Variants in KCNN2 observed in about 807,000 individuals in gnomAD.
KCNN2 encodes potassium calcium-activated channel subfamily N member 2.
A neutral mutation model predicts 55.5 loss-of-function variants in KCNN2; 24 were observed. The ratio of observed to expected loss-of-function variants is 0.43; its 90% CI spans 0.31 to 0.61. KCNN2 has a LOEUF of 0.61. Ranked by LOEUF, KCNN2 falls within the 20% of genes least tolerant of loss-of-function variation. KCNN2 has a pLI of 0.08. For synonymous variants in KCNN2, 431 were observed against 336.1 expected (o/e 1.28, Z -3.09); for missense variants, 754 against 853.6 (o/e 0.88, Z 1.45).
At chr5:114,343,552 C>A (rs1757055398) in intron 2 of KCNN2, among the ~76,000 whole-genome samples, 1 of 152,032 alleles carries the variant, frequency 6.6e-6, no homozygotes, top group African/African-American at 2.4e-5. Flanking sequence ...ATTTTAGGGT[C>A]TGCTTTACTA....
chr5:114,415,711 A>G (rs903289291), intron 3 of KCNN2, among the ~76,000 whole-genome samples: 1 of 152,200 alleles, frequency 6.6e-6, no homozygotes, highest in African/African-American at 2.4e-5. Flanking sequence ...GGCAATTCAA[A>G]TTGCCCATTT....
chr5:114,198,452 A>G (rs1753604168), intron 1 of KCNN2, among the ~76,000 whole-genome samples: 1 of 101,842 alleles, frequency 9.8e-6, no homozygotes, highest in African/African-American at 3.5e-5. Context: ...GTGTTTACAT[A>G]TATATACATA....
intron 1 of KCNN2, among the ~76,000 whole-genome samples, chr5:114,129,046 G>A (rs560601443): frequency 2.0e-5 from 3 of 152,094 alleles, no homozygotes; most frequent in Non-Finnish European, 4.4e-5. Flanking sequence ...CAAAGATAAG[G>A]GTTTGATAGC....
chr5:114,473,596 G>C (rs1761846555), intron 5 of KCNN2, among the ~76,000 whole-genome samples: 1 of 152,168 alleles, frequency 6.6e-6, no homozygotes, highest in African/African-American at 2.4e-5. Flanking sequence ...CTAACTTTTA[G>C]AAGCCCAAGA....
chr5:114,412,165 G>A (rs1247113575), intron 3 of KCNN2, among the ~76,000 whole-genome samples: 1 of 152,104 alleles, frequency 6.6e-6, no homozygotes, highest in Non-Finnish European at 1.5e-5. Context: ...TCCCTATAGA[G>A]AATATGTAAT....
intron 1 of KCNN2, among the ~76,000 whole-genome samples, chr5:114,208,429 CTGACATCT>C (rs1007578073): frequency 5.9e-5 from 9 of 152,206 alleles, no homozygotes; most frequent in African/African-American, 2.2e-4. Context: ...TATGCTAATG[CTGACATCT>C]TTCATTCCTG....
intron 3 of KCNN2, among the ~76,000 whole-genome samples, chr5:114,408,011 C>G (rs1310615510): frequency 6.6e-6 from 1 of 152,104 alleles, no homozygotes; most frequent in Non-Finnish European, 1.5e-5. Flanking sequence ...TTGAACCTGT[C>G]CTCCCTTTCG....
intron 1 of KCNN2, among the ~76,000 whole-genome samples, chr5:114,171,461 T>C (rs1580586052): frequency 6.6e-6 from 1 of 151,952 alleles, no homozygotes; most frequent in Non-Finnish European, 1.5e-5. Context: ...GTTTTACTAA[T>C]TATTCGATTA....
intron 2 of KCNN2, among the ~76,000 whole-genome samples, chr5:114,324,304 T>C (rs1445012158): frequency 6.6e-6 from 1 of 152,230 alleles, no homozygotes; most frequent in African/African-American, 2.4e-5. Flanking sequence ...TTTGCAGATA[T>C]GATTAAAATT....
rs148301310 is a variant in KCNN2, at chr5:114,128,264, C to T, written c.-271+71764C>T. 1.5e-3 allele frequency among the ~76,000 whole-genome samples: 234 copies of T among 152,248 alleles called. 2 individuals are homozygous for T. Among genetic ancestry groups the T allele is most frequent in the African/African-American group, 5.1e-3 (214 of 41,554 alleles). On this transcript the variant is annotated intron_variant, in intron 1 of 10. Transcript: ENST00000512097. ...TTAATTGACTCACAGTTCAGCGTGG[C>T]TGGGGAGGCCTCAGGAAATTTACAA...
chr5:114,259,086 A>G (rs1237819426), intron 2 of KCNN2, among the ~76,000 whole-genome samples: 1 of 152,176 alleles, frequency 6.6e-6, no homozygotes, highest in Admixed American at 6.5e-5. Context: ...TGATAGAACT[A>G]TATTCCTCCC....
intron 1 of KCNN2, among the ~76,000 whole-genome samples, chr5:114,077,785 A>T (rs1220492442): frequency 6.6e-6 from 1 of 152,186 alleles, no homozygotes; most frequent in Non-Finnish European, 1.5e-5. Flanking sequence ...AAATTGGAGA[A>T]CATTTCTCTG....
intron 2 of KCNN2, among the ~76,000 whole-genome samples, chr5:114,225,078 G>T (rs1217642276): frequency 1.3e-5 from 2 of 152,110 alleles, no homozygotes; most frequent in Admixed American, 6.5e-5. Flanking sequence ...TACCTGAAAA[G>T]GTTATTTGAC....
chr5:114,220,045 A>G (rs1561528120), intron 1 of KCNN2, among the ~76,000 whole-genome samples: 1 of 152,088 alleles, frequency 6.6e-6, no homozygotes, highest in East Asian at 1.9e-4. Context: ...AGACCTTAAG[A>G]AAAAAACAGG....
chr5:114,256,484 A>C (rs1432952245), intron 2 of KCNN2, among the ~76,000 whole-genome samples: 1 of 152,152 alleles, frequency 6.6e-6, no homozygotes, highest in Non-Finnish European at 1.5e-5. Flanking sequence ...GTACTAATTT[A>C]CATTTCCATC....
intron 3 of KCNN2, among the ~76,000 whole-genome samples, chr5:114,415,794 TA>T (rs1759288330): frequency 6.6e-6 from 1 of 152,224 alleles, no homozygotes; most frequent in Admixed American, 6.5e-5. Context: ...TGTTATCAAA[TA>T]TATGATTTGC....
At chr5:114,400,571 C>T (rs181692026) in intron 2 of KCNN2, among the ~76,000 whole-genome samples, 255 of 152,320 alleles carry the variant, frequency 1.7e-3, no homozygotes, top group Non-Finnish European at 3.1e-3. Context: ...TGTTTGGATA[C>T]CATGGGTCAA....
rs1463404251 is a variant in KCNN2 at position 114,065,217 on chromosome 5, A to G, written c.-271+8717A>G. 2.0e-5 allele frequency among the ~76,000 whole-genome samples: 3 copies of G among 152,300 alleles called. No individual in the cohort carries two copies. In the East Asian group the frequency reaches 5.8e-4, roughly 29 times the overall value. ...GGAGTAGTTCATAGGAGAGAAGACA[A>G]AAGAGGAACTTAGCTTTCTAGCTCT... On this transcript the variant is annotated intron_variant, in intron 1 of 10. Transcript: ENST00000512097.
intron 1 of KCNN2, among the ~76,000 whole-genome samples, chr5:114,094,099 G>T (rs1414640480): frequency 6.6e-6 from 1 of 152,054 alleles, no homozygotes; most frequent in Non-Finnish European, 1.5e-5. Flanking sequence ...TTTTTTGTTT[G>T]CTTTTTTTGT....
Sources: gnomAD v4.1 joint callset for allele counts (sites outside exome capture counted in the v4.1 genomes callset) on GRCh38, gnomAD v4.1.1 for gene constraint, MANE v1.5 for transcripts, NCBI Gene and HGNC (gene_info 2026-07-23, HGNC 2026-07-21) for gene names.